The following HNRNPC variants were observed in gnomAD, a reference collection of about 807,000 sequenced individuals.
The protein encoded by HNRNPC is heterogeneous nuclear ribonucleoprotein C.
A neutral mutation model predicts 33.2 loss-of-function variants in HNRNPC; 3 were observed. That is an observed-to-expected ratio of 0.09 (90% confidence interval 0.04 to 0.23). The LOEUF is 0.23. HNRNPC is among the 10% of genes least tolerant of loss of function. The pLI is 1.00. For missense variants in HNRNPC, 143 were observed against 366.7 expected (o/e 0.39, Z 4.98); for synonymous variants, 121 against 126.7 (o/e 0.96, Z 0.30).
intron 5 of HNRNPC, among the ~76,000 whole-genome samples, chr14:21,214,990 T>TAG (rs757813436): frequency 2.0e-5 from 3 of 152,194 alleles, no homozygotes; most frequent in Non-Finnish European, 4.4e-5. Flanking sequence ...ACCAATGAGC[T>TAG]AGCTAGCTAG....
At chr14:21,244,309 C>T (rs920909289) in intron 2 of HNRNPC, among the ~76,000 whole-genome samples, 3 of 152,190 alleles carry the variant, frequency 2.0e-5, no homozygotes, top group Non-Finnish European at 4.4e-5. Flanking sequence ...CGCAAGTTCT[C>T]TCTATAAAGC....
At chr14:21,246,903 G>A (rs1417971576) in intron 2 of HNRNPC, among the ~76,000 whole-genome samples, 1 of 152,112 alleles carries the variant, frequency 6.6e-6, no homozygotes, top group Non-Finnish European at 1.5e-5. Flanking sequence ...TATATCTTCT[G>A]CTCCTTAATA....
rs969464869 is a variant in HNRNPC, at chr14:21,265,635, C to G, written c.-62-2299G>C. ...GGCCAGCCTGGCAACATGGCGAAAC[C>G]CTGCCTCTACCAAAAATACAAAAAA... On this transcript the variant is annotated intron_variant, in intron 1 of 8. Coordinates refer to ENST00000553300, the MANE Select transcript of HNRNPC (RefSeq NM_004500.4). The G allele has an allele frequency of 2.0e-5, 3 of 152,134 alleles. No individual in the cohort carries two copies. The South Asian group carries it at 6.2e-4, about 32-fold the overall frequency. The allele number at this position is 152,134 out of a possible 1,614,324, so 9.4% of individuals were successfully genotyped here.
chr14:21,214,792 C>T (rs1018932807), intron 5 of HNRNPC, among the ~76,000 whole-genome samples: 10 of 152,126 alleles, frequency 6.6e-5, no homozygotes, highest in Admixed American at 3.9e-4. Flanking sequence ...TGTTCAGAAA[C>T]TCATATCCTT....
chr14:21,248,392 T>G (rs1416374343), intron 2 of HNRNPC, among the ~76,000 whole-genome samples: 1 of 152,196 alleles, frequency 6.6e-6, no homozygotes, highest in Non-Finnish European at 1.5e-5. Flanking sequence ...ATGCACTTTC[T>G]TTGGGAAGTC....
intron 2 of HNRNPC, among the ~76,000 whole-genome samples, chr14:21,242,523 T>C (rs1029687832): frequency 6.6e-6 from 1 of 152,176 alleles, no homozygotes. Context: ...TTTATTTACA[T>C]TGGTGAGGAC....
chr14:21,218,695 A>AAAC (rs1892491560), intron 5 of HNRNPC, among the ~76,000 whole-genome samples: 1 of 150,024 alleles, frequency 6.7e-6, no homozygotes, highest in South Asian at 2.1e-4. Flanking sequence ...AAAAAAAAAA[A>AAAC]AAAAAAAAAA....
intron 1 of HNRNPC, chr14:21,264,546 A>G (rs1878672597): frequency 6.6e-6 from 1 of 152,216 alleles, no homozygotes; most frequent in South Asian, 2.1e-4. Context: ...GCTAATTTCA[A>G]GTTATGGATT....
rs568215710 is a variant in HNRNPC at position 21,221,841 on chromosome 14, A to G, written c.365+8478T>C. ...GGCAGGCAGATCACGAGGTCAGGAG[A>G]TCAAGACCATCCTGGCAAACATGGT... On this transcript the variant is annotated intron_variant, in intron 5 of 8. Transcript: ENST00000553300. 7.2e-5 allele frequency among the ~76,000 whole-genome samples: 11 copies of G among 152,102 alleles called. No homozygotes were observed. The South Asian group carries it at 2.1e-3, about 29-fold the overall frequency.
intron 1 of HNRNPC, among the ~76,000 whole-genome samples, chr14:21,267,191 A>C (rs1879168411): frequency 6.6e-6 from 1 of 151,976 alleles, no homozygotes. Context: ...AAAAAATTTG[A>C]ATTAGAAACT....
intron 5 of HNRNPC, among the ~76,000 whole-genome samples, chr14:21,221,661 G>A (rs1892835571): frequency 1.3e-5 from 2 of 152,180 alleles, no homozygotes; most frequent in African/African-American, 4.8e-5. Flanking sequence ...GTTGTACTCA[G>A]AGTCTTGTTT....
At chr14:21,268,737 G>A (rs964134055) in intron 1 of HNRNPC, 5 of 152,152 alleles carry the variant, frequency 3.3e-5, no homozygotes, top group Non-Finnish European at 7.4e-5. Flanking sequence ...ACAAATGTAA[G>A]TGAAAATAAC....
intron 2 of HNRNPC, among the ~76,000 whole-genome samples, chr14:21,260,605 G>T (rs1878070769): frequency 6.6e-6 from 1 of 151,732 alleles, no homozygotes; most frequent in Non-Finnish European, 1.5e-5. Flanking sequence ...GATCACCTGA[G>T]GTCAGGAACT....
At chr14:21,250,696 A>T (rs953505683) in intron 2 of HNRNPC, among the ~76,000 whole-genome samples, 1 of 152,224 alleles carries the variant, frequency 6.6e-6, no homozygotes, top group African/African-American at 2.4e-5. Context: ...ATTATTTCCA[A>T]TGTAAAGTAA....
Position 21,257,402 on chromosome 14 carries a change from T to G in HNRNPC, c.-37+5909A>C, listed in dbSNP as rs1877410943. 2.6e-5 allele frequency among the ~76,000 whole-genome samples: 4 copies of G among 151,906 alleles called. 1 individual carries two copies. In the South Asian group the frequency reaches 8.4e-4, roughly 32 times the overall value. The stretch of plus-strand genomic sequence containing the variant: ...CAAAGTAAAAAAAAAATAAAAACGT[T>G]TCAAGGAAGAGATCTGGTTAAATGG... On this transcript the variant is annotated intron_variant, in intron 2 of 8. Coordinates refer to ENST00000553300, the MANE Select transcript of HNRNPC (RefSeq NM_004500.4).
chr14:21,230,202 T>G, intron 5 of HNRNPC, 117 bp downstream of exon 5: 1 of 609,604 alleles, frequency 1.6e-6, no homozygotes, highest in Non-Finnish European at 2.8e-6. Context: ...TTTTTTTGTT[T>G]TGGAGTTAGG....
At chr14:21,233,434 G>A (rs1181617958) in intron 3 of HNRNPC, among the ~76,000 whole-genome samples, 3 of 152,274 alleles carry the variant, frequency 2.0e-5, no homozygotes, top group Admixed American at 6.5e-5. Context: ...CATAAAATGA[G>A]AAGTTAAAAC....
In HNRNPC at chr14:21,244,949, G is replaced by A. The variant is rs952665307; in HGVS notation, c.-36-10720C>T. On this transcript the variant is annotated intron_variant, in intron 2 of 8. Coordinates refer to ENST00000553300, the MANE Select transcript of HNRNPC (RefSeq NM_004500.4). ...AAATAACAAAAATTAGCCAGGCGTG[G>A]TGGCATGCGCCTGTAGTCCCAGCTA... Among the ~76,000 whole-genome samples, 24 of 151,924 alleles carry A rather than the reference G, an allele frequency of 1.6e-4. 1 individual carries two copies. Among genetic ancestry groups the A allele is most frequent in the African/African-American group, 4.6e-4 (19 of 41,336 alleles).
chr14:21,242,922 C>G (rs563622034), intron 2 of HNRNPC, among the ~76,000 whole-genome samples: 1 of 152,266 alleles, frequency 6.6e-6, no homozygotes, highest in African/African-American at 2.4e-5. Flanking sequence ...ATTAAAAAAG[C>G]AGTGCCGGCA....
Sources: gnomAD v4.1 joint callset for allele counts (sites outside exome capture counted in the v4.1 genomes callset) on GRCh38, gnomAD v4.1.1 for gene constraint, MANE v1.5 for transcripts, NCBI Gene and HGNC (gene_info 2026-07-23, HGNC 2026-07-21) for gene names.